Variants in AP5B1 observed in about 807,000 individuals in gnomAD.
The protein encoded by AP5B1 is AP-5 complex subunit beta-1.
A neutral mutation model predicts 5.7 loss-of-function variants in AP5B1; 3 were observed. That is an observed-to-expected ratio of 0.53 (90% CI 0.24 to 1.36). The LOEUF is 1.36. Among genes scored for constraint, AP5B1 ranks in the 40% most tolerant of loss-of-function variants. The pLI is 0.17. For missense variants in AP5B1, 1,310 were observed against 1,143.2 expected, an observed-to-expected ratio of 1.15 and a Z score of -2.10; for synonymous variants, 696 against 555.5, an observed-to-expected ratio of 1.25 and a Z score of -3.56.
In AP5B1 at chr11:65,775,463, A is replaced by G. The variant is rs1396043446; in HGVS notation, c.*2393T>C. Among the ~76,000 whole-genome samples, 4 of 152,240 alleles carry G rather than the reference A, an allele frequency of 2.6e-5. No individual in the cohort carries two copies. The highest frequency in any genetic ancestry group is 1.3e-4 in the Admixed American group (2 of 15,286). Reference sequence around the variant, plus strand: ...TTTGAAGGATATGGATGGAGGACACAGGGCCAAGGAAGTTTGCTCTGCGGG... The same window carrying G: ...TTTGAAGGATATGGATGGAGGACACGGGGCCAAGGAAGTTTGCTCTGCGGG... On this transcript the variant is annotated 3_prime_UTR_variant, in exon 2 of 2. Coordinates refer to ENST00000532090, the MANE Select transcript of AP5B1 (RefSeq NM_138368.5).
chr11:65,779,380 G>A lies in AP5B1; in HGVS notation c.1113C>T (p.Cys371=), dbSNP rs778466359. The A allele has an allele frequency of 3.6e-5, 58 of 1,598,792 alleles. No homozygotes were observed. In the South Asian group the frequency reaches 5.5e-4, roughly 15 times the overall value. ...PPPTHLFYLH[C]VLSFPENWPL... Reference sequence around the variant, plus strand: ...GCCAGTTCTCAGGGAAGCTCAGGACGCAGTGAAGGTAAAAGAGATGGGTGG... The same window carrying A: ...GCCAGTTCTCAGGGAAGCTCAGGACACAGTGAAGGTAAAAGAGATGGGTGG... The change falls in exon 2 of 2, where the codon TGC becomes TGT. Residue 371 remains cysteine (C), a synonymous_variant. Coordinates refer to ENST00000532090, the MANE Select transcript of AP5B1 (RefSeq NM_138368.5).
Position 65,779,782 on chromosome 11 carries a change from G to A in AP5B1, c.711C>T (p.Pro237=). The stretch of plus-strand genomic sequence containing the variant: ...CAGCTGCCGGCCAGCTGGGTGCCTG[G>A]GGCTGAAGGCGTCCATCGCCCTCCT... ...LVEEGDGRLQ[P]QAPSWPAAEE... is the part of the protein sequence containing the mutation. The change falls in exon 2 of 2, where the codon CCC becomes CCT. Residue 237 remains proline, a synonymous_variant. Transcript: ENST00000532090. The A allele has an allele frequency of 1.3e-6, 2 of 1,583,542 alleles. No homozygotes were observed. The highest frequency in any genetic ancestry group is 2.3e-5 in the South Asian group (2 of 86,710).
At position 65,774,998 on chromosome 11, in the gene AP5B1, G is replaced by C. The variant is rs1334809806; in HGVS notation, c.*2858C>G. ...GAGCTATCTCAGGTGGGCTCAGTCAGTGCCATCCTCCCTTTTGGTGCCTCC... is the reference window on the plus strand; with the variant it reads ...GAGCTATCTCAGGTGGGCTCAGTCACTGCCATCCTCCCTTTTGGTGCCTCC... On this transcript the variant is annotated 3_prime_UTR_variant, in exon 2 of 2. Transcript: ENST00000532090. 6.6e-6 allele frequency among the ~76,000 whole-genome samples: 1 copy of C among 152,210 alleles called. No individual in the cohort carries two copies. Among genetic ancestry groups the C allele is most frequent in the Non-Finnish European group, 1.5e-5 (1 of 68,030 alleles).
At position 65,779,383 on chromosome 11, in the gene AP5B1, G is replaced by A. The variant is rs745647208; in HGVS notation, c.1110C>T (p.His370=). ...AGTTCTCAGGGAAGCTCAGGACGCA[G>A]TGAAGGTAAAAGAGATGGGTGGGCG... ...LPPPTHLFYL[H]CVLSFPENWP... The change falls in exon 2 of 2, where the codon CAC becomes CAT. Residue 370 remains histidine, a synonymous_variant. Coordinates refer to ENST00000532090, the MANE Select transcript of AP5B1 (RefSeq NM_138368.5). 6.2e-7 allele frequency: 1 copy of A among 1,600,754 alleles called. No homozygotes were observed. Among genetic ancestry groups the A allele is most frequent in the Non-Finnish European group, 8.5e-7 (1 of 1,172,674 alleles).
chr11:65,778,310 A>G lies in AP5B1; in HGVS notation c.2183T>C (p.Leu728Pro). 1 of 1,612,852 alleles carries G rather than the reference A, an allele frequency of 6.2e-7. No individual in the cohort carries two copies. Among genetic ancestry groups the G allele is most frequent in the African/African-American group, 1.3e-5 (1 of 75,074 alleles). The change falls in exon 2 of 2, where the codon CTG (leucine) becomes CCG (proline). Residue 728 changes from leucine to proline, a missense_variant. By Grantham distance (98) the Leu-to-Pro change is moderately conservative. Coordinates refer to ENST00000532090, the MANE Select transcript of AP5B1 (RefSeq NM_138368.5). ...GRPARPLLLP[L>P]QPRCPAPARL... ...TGCGGGGGCCGGGCATCGGGGCTGC[A>G]GAGGCAGGAGCAGAGGGCGGGCAGG... is the stretch of plus-strand genomic sequence containing the variant.
chr11:65,780,634 G>A lies in AP5B1; in HGVS notation c.-43C>T. ...CCTGCGCAGGGAAGAGGGACCCTCA[G>A]GCCGCAGCCACCGGGAGCGCGGGGC... On this transcript the variant is annotated 5_prime_UTR_variant, in exon 1 of 2. Transcript: ENST00000532090. 7.6e-7 allele frequency: 1 copy of A among 1,313,910 alleles called. No individual in the cohort carries two copies. The highest frequency in any genetic ancestry group is 9.7e-7 in the Non-Finnish European group (1 of 1,032,218). 81.4% of individuals were successfully genotyped at this position (1,313,910 alleles called of 1,614,324 possible).
chr11:65,778,996 C>A lies in AP5B1; in HGVS notation c.1497G>T (p.Met499Ile). Residue 499 changes from methionine to isoleucine, a missense_variant, in exon 2 of 2, where the codon ATG becomes ATT. Transcript: ENST00000532090. ...AGAGGTCCACAAAGTGGGGAGCCAG[C>A]ATGGGCCGGGCTTGGTACAGCTGGG... ...GLAQLYQARPMLAPHFVDLLD... is the reference protein window; with the variant it reads ...GLAQLYQARPILAPHFVDLLD... The A allele has an allele frequency of 6.2e-7, 1 of 1,611,548 alleles. No individual in the cohort carries two copies. The highest frequency in any genetic ancestry group is 8.5e-7 in the Non-Finnish European group (1 of 1,179,196).
At position 65,778,549 on chromosome 11, in the gene AP5B1, G is replaced by T; in HGVS notation, c.1944C>A (p.Asn648Lys). 6.3e-7 allele frequency: 1 copy of T among 1,581,230 alleles called. No homozygotes were observed. The change falls in exon 2 of 2, where the codon AAC becomes AAA. Residue 648 changes from asparagine to lysine, a missense_variant. By Grantham distance (94) the Asn-to-Lys change is moderately conservative. Transcript: ENST00000532090. ...PALASSLVAENQGFVAALMVQ... is the reference protein window; with the variant it reads ...PALASSLVAEKQGFVAALMVQ... ...CCATCAGTGCTGCCACAAAGCCCTG[G>T]TTCTCGGCCACCAGTGAAGAGGCCA...
Position 65,777,710 on chromosome 11 carries a change from C to T in AP5B1, c.*146G>A, listed in dbSNP as rs1857781661. The T allele has an allele frequency of 2.1e-6, 2 of 939,696 alleles. No homozygotes were observed. Among genetic ancestry groups the T allele is most frequent in the Admixed American group, 6.0e-5 (2 of 33,436 alleles). 58.2% of individuals were successfully genotyped at this position (939,696 alleles called of 1,614,324 possible). On this transcript the variant is annotated 3_prime_UTR_variant, in exon 2 of 2. Transcript: ENST00000532090. ...AAACAGACTCAGACAGACCCTCACC[C>T]CCAGGAGCCTGCTCCCAACCGGGGC...
rs371573268 is a variant in AP5B1, at chr11:65,779,517, C to T, written c.976G>A (p.Ala326Thr). The T allele has an allele frequency of 1.7e-4, 274 of 1,605,514 alleles. No individual in the cohort carries two copies. The highest frequency in any genetic ancestry group is 2.6e-4 in the Admixed American group (15 of 58,574). ...LGTAQLTLLHAMLALKAAFGE... is the reference protein window; with the variant it reads ...LGTAQLTLLHTMLALKAAFGE... ...AAGGCCGCCTTGAGCGCAAGCATGG[C>T]GTGCAACAGTGTCAGCTGTGCTGTG... is the stretch of plus-strand genomic sequence containing the variant. Residue 326 changes from alanine to threonine, a missense_variant, in exon 2 of 2, where the codon GCC becomes ACC. Coordinates refer to ENST00000532090, the MANE Select transcript of AP5B1 (RefSeq NM_138368.5).
At chr11:65,780,388 G>A (rs1590992429) in intron 1 of AP5B1, 46 bp from the exon 2 acceptor site, 1 of 1,462,428 alleles carries the variant, frequency 6.8e-7, no homozygotes, top group South Asian at 1.3e-5. Flanking sequence ...GGTTCATGAC[G>A]CGGCGGGCTG....
Position 65,776,820 on chromosome 11 carries a change from C to A in AP5B1, c.*1036G>T, listed in dbSNP as rs1166692991. The A allele has an allele frequency of 6.6e-6, 1 of 152,202 alleles. No homozygotes were observed. Among genetic ancestry groups the A allele is most frequent in the Non-Finnish European group, 1.5e-5 (1 of 68,052 alleles). 9.4% of individuals were successfully genotyped at this position (152,202 alleles called of 1,614,324 possible). On this transcript the variant is annotated 3_prime_UTR_variant, in exon 2 of 2. Coordinates refer to ENST00000532090, the MANE Select transcript of AP5B1 (RefSeq NM_138368.5). ...CTCCCTGGGGCAGGGAGCTTGCAAA[C>A]CTTGGGAGTTGAGAAGCGCTGGCTC...
In AP5B1 at chr11:65,779,134, G is replaced by C; in HGVS notation, c.1359C>G (p.Ala453=). 6.2e-7 allele frequency: 1 copy of C among 1,609,318 alleles called. No homozygotes were observed. Among genetic ancestry groups the C allele is most frequent in the Non-Finnish European group, 8.5e-7 (1 of 1,178,470 alleles). The change falls in exon 2 of 2, where the codon GCC becomes GCG. Residue 453 remains alanine, a synonymous_variant. Transcript: ENST00000532090. ...CCAAGGCCCGGGGGCCCCCATCCAG[G>C]GCTGCCCGCTGCCGCAAGCCAGCCA... ...ELLAGLRQRA[A]LDGGPRALAT...
rs1375898604 is a variant in AP5B1 at position 65,780,164 on chromosome 11, A to AGCGCGCC, written c.322_328dup (p.Leu110ArgfsTer24). The AGCGCGCC allele has an allele frequency of 4.7e-6, 7 of 1,478,414 alleles. No homozygotes were observed. In the South Asian group the frequency reaches 5.5e-5, roughly 12 times the overall value. 91.6% of individuals were successfully genotyped at this position (1,478,414 alleles called of 1,614,324 possible). A position where few individuals can be genotyped will look rare whatever the true frequency, so the allele number is the denominator to read the frequency against. On this transcript the variant is annotated frameshift_variant, in exon 2 of 2. Transcript: ENST00000532090. LOFTEE classifies it low-confidence loss of function (END_TRUNC). ...GCAGGAGGCGCCCGAGGTGGGGCCC[A>AGCGCGCC]GCGCGCCGCCCGCCGCCAGGGCAGT...
Position 65,779,336 on chromosome 11 carries a change from T to C in AP5B1, c.1157A>G (p.Glu386Gly), listed in dbSNP as rs1041189984. Residue 386 changes from glutamate to glycine, a missense_variant, in exon 2 of 2, where the codon GAG becomes GGG. Transcript: ENST00000532090. ...PENWPLGPEG[E>G]EAAPLLLGPQ... ...CCCTAGCAGCAGTGGGGCAGCCTCC[T>C]CACCTTCAGGGCCCAGCGGCCAGTT... The C allele has an allele frequency of 1.9e-6, 3 of 1,596,252 alleles. No homozygotes were observed. In the South Asian group the frequency reaches 3.4e-5, roughly 18 times the overall value.
In AP5B1 at chr11:65,778,118, T is replaced by A; in HGVS notation, c.2375A>T (p.Glu792Val). ...FEELWDSCLP[E>V]GAESRVWCPL... The stretch of plus-strand genomic sequence containing the variant: ...ACACCACACACGACTCTCAGCACCC[T>A]CTGGCAGGCAGGAATCCCAGAGCTC... Residue 792 changes from glutamate (E) to valine (V), a missense_variant, in exon 2 of 2, where the codon GAG (glutamate) becomes GTG (valine). By Grantham distance (121) the Glu-to-Val change is moderately radical. Coordinates refer to ENST00000532090, the MANE Select transcript of AP5B1 (RefSeq NM_138368.5). The A allele has an allele frequency of 6.2e-7, 1 of 1,612,808 alleles. No homozygotes were observed. The highest frequency in any genetic ancestry group is 8.5e-7 in the Non-Finnish European group (1 of 1,179,874).
In AP5B1 at chr11:65,779,888, C is replaced by A; in HGVS notation, c.605G>T (p.Arg202Leu). ...ALRNTLVLQS[R>L]VGAGLGGLLT... ...CAGTCCCCCCAGGCCAGCCCCAACC[C>A]GGGACTGGAGCACCAAGGTGTTGCG... Residue 202 changes from arginine to leucine, a missense_variant, in exon 2 of 2, where the codon CGG becomes CTG. Physicochemically the swap from Arg to Leu is moderately radical, Grantham distance 102. Transcript: ENST00000532090. 6.3e-7 allele frequency: 1 copy of A among 1,594,254 alleles called. No individual in the cohort carries two copies. The highest frequency in any genetic ancestry group is 1.7e-5 in the Admixed American group (1 of 57,514).
In AP5B1 at chr11:65,779,519, T is replaced by C. The variant is rs999326344; in HGVS notation, c.974A>G (p.His325Arg). 1.1e-5 allele frequency: 17 copies of C among 1,605,938 alleles called. No homozygotes were observed. Among genetic ancestry groups the C allele is most frequent in the African/African-American group, 4.0e-5 (3 of 74,836 alleles). The change falls in exon 2 of 2, where the codon CAC (histidine) becomes CGC (arginine). Residue 325 changes from histidine to arginine, a missense_variant. Physicochemically the swap from His to Arg is conservative, Grantham distance 29. Transcript: ENST00000532090. ...LLGTAQLTLL[H>R]AMLALKAAFG... ...GGCCGCCTTGAGCGCAAGCATGGCG[T>C]GCAACAGTGTCAGCTGTGCTGTGCC...
chr11:65,778,647 A>C lies in AP5B1; in HGVS notation c.1846T>G (p.Tyr616Asp), dbSNP rs759004176. The change falls in exon 2 of 2, where the codon TAC (tyrosine) becomes GAC (aspartate). Residue 616 changes from tyrosine (Y) to aspartate (D), a missense_variant. Coordinates refer to ENST00000532090, the MANE Select transcript of AP5B1 (RefSeq NM_138368.5). ...PDGRDHARLY[Y>D]ILLAHLAAPK... ...GCTGCCAGGTGTGCCAGCAGGATGTAGTAGAGGCGGGCGTGGTCACGCCCA... is the reference window on the plus strand; with the variant it reads ...GCTGCCAGGTGTGCCAGCAGGATGTCGTAGAGGCGGGCGTGGTCACGCCCA... 1.9e-5 allele frequency: 30 copies of C among 1,593,938 alleles called. No homozygotes were observed. The highest frequency in any genetic ancestry group is 2.4e-5 in the Non-Finnish European group (28 of 1,172,390).
Sources: allele counts gnomAD v4.1 joint callset (sites outside exome capture counted in the v4.1 genomes callset), GRCh38; gene constraint gnomAD v4.1.1; transcripts MANE v1.5; gene names NCBI Gene and HGNC (gene_info 2026-07-23, HGNC 2026-07-21).